Variants in NYAP2 observed in about 807,000 individuals in gnomAD.
The protein encoded by NYAP2 is neuronal tyrosine-phosphorylated phosphoinositide-3-kinase adaptor 2, also known as neuronal tyrosine-phosphorylated phosphoinositide-3-kinase adapter 2.
NYAP2 carries 23 observed loss-of-function variants against 50.4 expected under a neutral mutation model. That is an observed-to-expected ratio of 0.46 (90% CI 0.33 to 0.65). The LOEUF is 0.65. NYAP2 is among the 30% of genes least tolerant of loss of function. NYAP2 has a pLI of 0.02. For synonymous variants in NYAP2, 394 were observed against 365.2 expected (o/e 1.08, Z -0.90); for missense variants, 885 against 861.0 (o/e 1.03, Z -0.35).
chr2:225,474,952 G>A (rs1407063839), intron 3 of NYAP2, among the ~76,000 whole-genome samples: 13 of 152,182 alleles, frequency 8.5e-5, no homozygotes, highest in Admixed American at 8.5e-4. Flanking sequence ...ATGTACAAGT[G>A]TGAGACTTTG....
chr2:225,658,414 T>C (rs1199507575), downstream of NYAP2, among the ~76,000 whole-genome samples: 2 of 152,168 alleles, frequency 1.3e-5, no homozygotes, highest in Non-Finnish European at 2.9e-5. Context: ...TTAACAAAGA[T>C]TATGTTAAAA....
At chr2:225,558,784 C>T (rs962331953) in intron 4 of NYAP2, among the ~76,000 whole-genome samples, 10 of 152,092 alleles carry the variant, frequency 6.6e-5, no homozygotes, top group Admixed American at 3.9e-4. Flanking sequence ...GCTTCCTCTA[C>T]GATGAGAGGC....
intron 5 of NYAP2, among the ~76,000 whole-genome samples, chr2:225,593,828 C>T (rs532671088): frequency 6.6e-6 from 1 of 152,310 alleles, no homozygotes; most frequent in Admixed American, 6.5e-5. Flanking sequence ...AAATGTTTGA[C>T]CATTAAGTGA....
chr2:225,683,573 A>G, the NYAP2 span, among the ~76,000 whole-genome samples: 1 of 152,170 alleles, frequency 6.6e-6, no homozygotes, highest in African/African-American at 2.4e-5. Context: ...TGAGACTTTT[A>G]GTTGAGACAC....
chr2:225,605,128 G>A (rs1692763224), intron 5 of NYAP2, among the ~76,000 whole-genome samples: 1 of 152,040 alleles, frequency 6.6e-6, no homozygotes, highest in Admixed American at 6.6e-5. Flanking sequence ...GAATGGAAAC[G>A]ATATTTTTCT....
At chr2:225,543,455 C>A (rs1309325473) in intron 4 of NYAP2, among the ~76,000 whole-genome samples, 1 of 151,766 alleles carries the variant, frequency 6.6e-6, no homozygotes, top group Non-Finnish European at 1.5e-5. Flanking sequence ...ATGTTCTTTC[C>A]ATTTTCATTT....
At chr2:225,414,973 AT>A (rs920304549) in intron 3 of NYAP2, among the ~76,000 whole-genome samples, 16 of 151,756 alleles carry the variant, frequency 1.1e-4, no homozygotes, top group Non-Finnish European at 1.5e-4. Context: ...TAAGGGTAGG[AT>A]TTTTTTTTCT....
At chr2:225,512,915 T>G (rs969677184) in intron 3 of NYAP2, among the ~76,000 whole-genome samples, 1 of 150,056 alleles carries the variant, frequency 6.7e-6, no homozygotes, top group African/African-American at 2.5e-5. Flanking sequence ...TCCTTTCTTT[T>G]TCTTTCTTTC....
chr2:225,673,716 A>G, the NYAP2 span, among the ~76,000 whole-genome samples: 1 of 152,178 alleles, frequency 6.6e-6, no homozygotes, highest in African/African-American at 2.4e-5. Flanking sequence ...CTGGCATTAA[A>G]GAGCAATTGT....
intron 6 of NYAP2, among the ~76,000 whole-genome samples, chr2:225,640,445 C>A (rs1693508144): frequency 6.6e-6 from 1 of 152,012 alleles, no homozygotes; most frequent in East Asian, 1.9e-4. Flanking sequence ...AAAGGATGAC[C>A]CCTGCCTTCA....
intron 5 of NYAP2, among the ~76,000 whole-genome samples, chr2:225,594,507 A>G (rs1692562705): frequency 6.6e-6 from 1 of 152,150 alleles, no homozygotes; most frequent in Non-Finnish European, 1.5e-5. Flanking sequence ...TGGGTGACAC[A>G]GTGAGACTCT....
At chr2:225,462,227 A>T (rs528619630) in intron 3 of NYAP2, among the ~76,000 whole-genome samples, 1 of 152,362 alleles carries the variant, frequency 6.6e-6, no homozygotes, top group Admixed American at 6.5e-5. Flanking sequence ...ATCAATGTAC[A>T]TGGAAGTGAT....
intron 5 of NYAP2, among the ~76,000 whole-genome samples, chr2:225,619,366 C>T (rs1190685424): frequency 6.6e-6 from 1 of 152,202 alleles, no homozygotes; most frequent in Non-Finnish European, 1.5e-5. Context: ...CTTGTGCCCC[C>T]ACCCAGGCGG....
chr2:225,601,876 G>A (rs1035352818), intron 5 of NYAP2, among the ~76,000 whole-genome samples: 4 of 152,166 alleles, frequency 2.6e-5, no homozygotes, highest in East Asian at 1.9e-4. Context: ...CCTTTGATGC[G>A]CAAAAATTTT....
intron 4 of NYAP2, among the ~76,000 whole-genome samples, chr2:225,526,037 G>T (rs973788263): frequency 2.0e-5 from 3 of 152,142 alleles, no homozygotes; most frequent in Admixed American, 2.0e-4. Flanking sequence ...ACTGAATTCT[G>T]CCAACAATGA....
intron 5 of NYAP2, among the ~76,000 whole-genome samples, chr2:225,584,072 T>C (rs1405461532): frequency 2.6e-5 from 4 of 152,010 alleles, no homozygotes; most frequent in African/African-American, 9.7e-5. Flanking sequence ...AAAAAAACCT[T>C]CTTGAGCAAA....
At chr2:225,535,196 A>G (rs1691326154) in intron 4 of NYAP2, among the ~76,000 whole-genome samples, 1 of 152,194 alleles carries the variant, frequency 6.6e-6, no homozygotes, top group African/African-American at 2.4e-5. Flanking sequence ...AGATACAGGA[A>G]CCAGGAAGCA....
chr2:225,561,688 CT>C (rs1691876868), intron 4 of NYAP2, among the ~76,000 whole-genome samples: 1 of 151,992 alleles, frequency 6.6e-6, no homozygotes, highest in African/African-American at 2.4e-5. Flanking sequence ...GAAATAGAGG[CT>C]TTAGCTGGAG....
chr2:225,426,596 C>T (rs938518707), intron 3 of NYAP2, among the ~76,000 whole-genome samples: 1 of 152,162 alleles, frequency 6.6e-6, no homozygotes, highest in Non-Finnish European at 1.5e-5. Flanking sequence ...GAAGTGCTTA[C>T]TCAACCCTTA....
Sources: gnomAD v4.1 joint callset for allele counts (sites outside exome capture counted in the v4.1 genomes callset) on GRCh38, gnomAD v4.1.1 for gene constraint, MANE v1.5 for transcripts, NCBI Gene and HGNC (gene_info 2026-07-23, HGNC 2026-07-21) for gene names.